The following UNC13A variants were observed in gnomAD, a reference collection of about 807,000 sequenced individuals.
The protein encoded by UNC13A is unc-13 homolog A.
UNC13A carries 61 observed loss-of-function variants against 219.7 expected under a neutral mutation model. That is an observed-to-expected ratio of 0.28 (90% CI 0.23 to 0.34). UNC13A has a LOEUF of 0.34. UNC13A is among the 10% of genes least tolerant of loss of function. The pLI, the probability that UNC13A is intolerant of heterozygous loss-of-function variation, is 1.00. For synonymous variants in UNC13A, 920 were observed against 884.6 expected, an observed-to-expected ratio of 1.04 and a Z score of -0.71; for missense variants, 1,476 against 2,270.3, an observed-to-expected ratio of 0.65 and a Z score of 7.11.
At chr19:17,683,627 C>T (rs1324059264) in intron 1 of UNC13A, among the ~76,000 whole-genome samples, 1 of 151,960 alleles carries the variant, frequency 6.6e-6, no homozygotes, top group Non-Finnish European at 1.5e-5. Context: ...CACTACACTG[C>T]AGTCCGGGTG....
intron 43 of UNC13A, among the ~76,000 whole-genome samples, chr19:17,606,762 G>T (rs1287745365): frequency 6.6e-6 from 1 of 151,684 alleles, no homozygotes; most frequent in Non-Finnish European, 1.5e-5. Context: ...TCTTTAACCA[G>T]GCTCTCCTCT....
chr19:17,623,658 C>T, intron 35 of UNC13A, 111 bp from the exon 36 acceptor site: 1 of 539,200 alleles, frequency 1.9e-6, no homozygotes, highest in Non-Finnish European at 3.1e-6. Flanking sequence ...GGGCAAGACC[C>T]CTGCCCCAGC....
chr19:17,648,766 C>T, intron 15 of UNC13A, 116 bp from the exon 16 acceptor site: 2 of 1,499,446 alleles, frequency 1.3e-6, no homozygotes, highest in South Asian at 1.2e-5. Context: ...CCTGCCTCCA[C>T]GCTGTCGGAA....
intron 41 of UNC13A, among the ~76,000 whole-genome samples, chr19:17,615,905 G>T (rs2076657559): frequency 6.6e-6 from 1 of 152,160 alleles, no homozygotes; most frequent in South Asian, 2.1e-4. Flanking sequence ...GCACAGGAGG[G>T]AGGCTGCAGT....
intron 6 of UNC13A, among the ~76,000 whole-genome samples, chr19:17,667,007 A>G (rs10425653): frequency 0.83 from 125,901 of 151,788 alleles, 52,938 homozygotes; most frequent in Middle Eastern, 0.92. Context: ...TAATCCCAGC[A>G]CTTTGGGAGG....
chr19:17,645,291 G>C (rs904352907), intron 19 of UNC13A, among the ~76,000 whole-genome samples: 1 of 151,640 alleles, frequency 6.6e-6, no homozygotes, highest in Non-Finnish European at 1.5e-5. Flanking sequence ...TTACAGGCGT[G>C]AGCCACCATA....
At position 17,606,129 on chromosome 19, in the gene UNC13A, C is replaced by A; in HGVS notation, c.5037G>T (p.Glu1679Asp). The A allele has an allele frequency of 2.5e-6, 4 of 1,593,818 alleles. No individual in the cohort carries two copies. Among genetic ancestry groups the A allele is most frequent in the Non-Finnish European group, 3.4e-6 (4 of 1,172,014 alleles). The change falls in exon 44 of 44, where the codon GAG becomes GAT. Residue 1679 changes from glutamate to aspartate, a missense_variant. By Grantham distance (45) the Glu-to-Asp change is conservative (BLOSUM62 2). Around this residue, in one of 14 missense-constraint regions of UNC13A, gnomAD observed 187 missense variants for 172.3 expected, o/e 1.09. Coordinates refer to ENST00000519716, the MANE Select transcript of UNC13A (RefSeq NM_001080421.3). ...LRILSQRSND[E>D]VAKEFVKLKS... ...TGAGCTTCACGAACTCCTTGGCCAC[C>A]TCGTCGTTGCTGCGCTGCGAGAGGA...
chr19:17,645,708 C>A lies in UNC13A; in HGVS notation c.2322G>T (p.Thr774=), dbSNP rs746012905. ...ACCACACGTCCATCTCGCCGCTGAG[C>A]GTCCGCACCTCAATGATCGTCTGCC... The part of the protein sequence containing the change: ...FLGQTIIEVR[T]LSGEMDVWYN... The change falls in exon 19 of 44, where the codon ACG becomes ACT. Residue 774 remains threonine, a synonymous_variant. Transcript: ENST00000519716. The A allele has an allele frequency of 6.2e-7, 1 of 1,614,248 alleles. No individual in the cohort carries two copies. The highest frequency in any genetic ancestry group is 8.5e-7 in the Non-Finnish European group (1 of 1,180,042).
At chr19:17,668,702 T>A (rs934659011) in intron 5 of UNC13A, among the ~76,000 whole-genome samples, 7 of 152,302 alleles carry the variant, frequency 4.6e-5, no homozygotes, top group African/African-American at 1.7e-4. Flanking sequence ...TTGGCCAGGC[T>A]GCTCTCAAAC....
At position 17,649,009 on chromosome 19, in the gene UNC13A, C is replaced by CG. The variant is rs754341998; in HGVS notation, c.1525-27dup. The stretch of plus-strand genomic sequence containing the variant: ...CTGGGGAGGTCACAGAAGAGGGAGT[C>CG]GGGGGGGTTGACATCCATGAGATCA... On this transcript the variant is annotated intron_variant, in intron 14 of 43. Transcript: ENST00000519716. This position sits in a 1 kb window ranked among gnomAD's most constrained non-coding sequence, Gnocchi z 4.4. 50 of 1,576,416 alleles carry CG rather than the reference C, an allele frequency of 3.2e-5. No homozygotes were observed. The Middle Eastern group carries it at 5.0e-4, about 16-fold the overall frequency.
At chr19:17,675,759 T>C (rs2079885722) in intron 2 of UNC13A, among the ~76,000 whole-genome samples, 1 of 152,052 alleles carries the variant, frequency 6.6e-6, no homozygotes, top group African/African-American at 2.4e-5. Flanking sequence ...GAAGAGCCAC[T>C]GGCTCAGGGC....
rs149801062 is a variant in UNC13A at position 17,653,888 on chromosome 19, G to A, written c.1393-1211C>T. Among the ~76,000 whole-genome samples the A allele has an allele frequency of 7.9e-3, 1,131 of 142,694 alleles. 10 individuals carry two copies. Among genetic ancestry groups the A allele is most frequent in the Middle Eastern group, 0.041 (11 of 266 alleles). 93.6% of individuals were successfully genotyped at this position (142,694 alleles called of 152,430 possible). A position where few individuals can be genotyped will look rare whatever the true frequency, so the allele number is the denominator to read the frequency against. On this transcript the variant is annotated intron_variant, in intron 11 of 43. Transcript: ENST00000519716. Reference sequence around the variant, plus strand: ...GTCACCCAGGCTGGTGTGCAGTGGCGCGATCTCGGCTCACTGCCAGCTCCG... The same window carrying A: ...GTCACCCAGGCTGGTGTGCAGTGGCACGATCTCGGCTCACTGCCAGCTCCG...
At chr19:17,621,959 G>A in intron 36 of UNC13A, 89 bp from the exon 37 acceptor site, 7 of 1,341,112 alleles carry the variant, frequency 5.2e-6, no homozygotes, top group Non-Finnish European at 7.5e-6. Flanking sequence ...ATGGGGATGG[G>A]GGAATCCACA....
In UNC13A at chr19:17,656,065, A is replaced by T. The variant is rs1247779075; in HGVS notation, c.1101T>A (p.Ala367=). The change falls in exon 10 of 44, where the codon GCT becomes GCA. Residue 367 remains alanine (A), a synonymous_variant. Transcript: ENST00000519716. ...TGATGCGTTTGAAGTCTTTGGGCTC[A>T]GCCACAGCTACGTCTTCACGCTGGG... The part of the protein sequence containing the change: ...SYAQREDVAV[A]EPKDFKRISL... 2.6e-6 allele frequency: 4 copies of T among 1,555,228 alleles called. No individual in the cohort carries two copies. Among genetic ancestry groups the T allele is most frequent in the Non-Finnish European group, 2.6e-6 (3 of 1,148,944 alleles).
intron 41 of UNC13A, chr19:17,614,568 C>G (rs1385291588): frequency 1.3e-5 from 2 of 152,418 alleles, no homozygotes; most frequent in African/African-American, 4.8e-5. Flanking sequence ...CACTCCTGGA[C>G]CACCCCATGC....
At chr19:17,650,312 G>C (rs968487798) in intron 12 of UNC13A, among the ~76,000 whole-genome samples, 4 of 151,932 alleles carry the variant, frequency 2.6e-5, no homozygotes, top group Non-Finnish European at 1.5e-5. Context: ...TTAGGAGTTC[G>C]AGACCAGCCT....
At chr19:17,686,556 G>A (rs2080116138) in intron 1 of UNC13A, among the ~76,000 whole-genome samples, 1 of 151,892 alleles carries the variant, frequency 6.6e-6, no homozygotes, top group Non-Finnish European at 1.5e-5. Flanking sequence ...GGTGGGGGTC[G>A]CCTAGGGGTC....
chr19:17,672,910 C>T (rs8108328), intron 3 of UNC13A, among the ~76,000 whole-genome samples: 6,777 of 152,156 alleles, frequency 0.045, 517 homozygotes, highest in African/African-American at 0.16. Context: ...CAGTGTCATC[C>T]CCATCTAATG....
intron 41 of UNC13A, among the ~76,000 whole-genome samples, chr19:17,613,145 T>G (rs2076622247): frequency 6.6e-6 from 1 of 151,344 alleles, no homozygotes. Context: ...GACAGGAGAA[T>G]CACTTGAACC....
Sources: gnomAD v4.1 joint callset for allele counts (sites outside exome capture counted in the v4.1 genomes callset) on GRCh38, gnomAD v4.1.1 for gene constraint, gnomAD v4.1.1 regional missense constraint, Gnocchi (gnomAD v3.1) non-coding constraint, MANE v1.5 for transcripts, NCBI Gene and HGNC (gene_info 2026-07-23, HGNC 2026-07-21) for gene names.